Variants in SOHLH2 observed in about 807,000 individuals in gnomAD.
The protein encoded by SOHLH2 is spermatogenesis and oogenesis specific basic helix-loop-helix 2.
Under a neutral mutation model 50.4 loss-of-function variants are expected in SOHLH2, and 22 were observed. The ratio of observed to expected loss-of-function variants is 0.44; its 90% confidence interval spans 0.31 to 0.62. SOHLH2 has a LOEUF of 0.62. Ranked by LOEUF, SOHLH2 falls within the 20% of genes least tolerant of loss-of-function variation. The pLI is 0.08. For synonymous variants in SOHLH2, 185 were observed against 187.3 expected (o/e 0.99, Z 0.10); for missense variants, 412 against 504.4 (o/e 0.82, Z 1.76).
intron 6 of SOHLH2, among the ~76,000 whole-genome samples, chr13:36,188,248 C>A (rs1023100647): frequency 6.6e-6 from 1 of 152,158 alleles, no homozygotes; most frequent in African/African-American, 2.4e-5. Context: ...GAACTGCTAA[C>A]CCATAAAAAC....
intron 6 of SOHLH2, among the ~76,000 whole-genome samples, chr13:36,179,553 T>C (rs1245742643): frequency 6.6e-6 from 1 of 152,036 alleles, no homozygotes; most frequent in Non-Finnish European, 1.5e-5. Flanking sequence ...AGATTACAGG[T>C]GTGTGCCACC....
intron 6 of SOHLH2, among the ~76,000 whole-genome samples, chr13:36,187,380 G>C (rs1887450701): frequency 6.6e-6 from 1 of 152,136 alleles, no homozygotes; most frequent in Non-Finnish European, 1.5e-5. Flanking sequence ...ATCAAATAAA[G>C]TATGGAGAAT....
intron 6 of SOHLH2, among the ~76,000 whole-genome samples, chr13:36,176,103 G>A (rs1681189748): frequency 6.6e-6 from 1 of 152,136 alleles, no homozygotes; most frequent in Non-Finnish European, 1.5e-5. Context: ...GTGGAAGTGA[G>A]ATGTTATAAA....
At chr13:36,178,820 GTTTT>G (rs748848806) in intron 6 of SOHLH2, among the ~76,000 whole-genome samples, 1 of 127,268 alleles carries the variant, frequency 7.9e-6, no homozygotes, top group Non-Finnish European at 1.7e-5. Context: ...CAGATCATTT[GTTTT>G]TTTTTTTTTG....
intron 6 of SOHLH2, among the ~76,000 whole-genome samples, chr13:36,175,198 C>G (rs931856712): frequency 2.0e-5 from 3 of 152,236 alleles, no homozygotes; most frequent in Non-Finnish European, 2.9e-5. Context: ...CCCTTCCCAC[C>G]CCCTGCTGCC....
intron 6 of SOHLH2, among the ~76,000 whole-genome samples, chr13:36,175,610 T>C (rs1212866222): frequency 6.6e-6 from 1 of 152,238 alleles, no homozygotes; most frequent in Non-Finnish European, 1.5e-5. Flanking sequence ...TTGTGCTGAA[T>C]ACTACCTTGA....
chr13:36,182,212 G>A, intron 6 of SOHLH2: 1 of 985,288 alleles, frequency 1.0e-6, no homozygotes, highest in African/African-American at 1.7e-5. Flanking sequence ...AAATTCATGG[G>A]GAGAGAATTT....
rs371427056 is a variant in SOHLH2, at chr13:36,193,709, A to G, written c.342T>C (p.His114=). 9.9e-6 allele frequency: 16 copies of G among 1,610,976 alleles called. No individual in the cohort carries two copies. In the African/African-American group the frequency reaches 2.0e-4, roughly 20 times the overall value. ...PENFKGCISG[H]GMDIALTEPL... ...GTTCAGTTAAAGCAATATCCATTCCATGCCCTGAAATACAACCTAAGAATC... is the reference window on the plus strand; with the variant it reads ...GTTCAGTTAAAGCAATATCCATTCCGTGCCCTGAAATACAACCTAAGAATC... Residue 114 remains histidine (H), a synonymous_variant, in exon 4 of 11, where the codon CAT becomes CAC. Coordinates refer to ENST00000379881, the MANE Select transcript of SOHLH2 (RefSeq NM_017826.3).
At chr13:36,195,151 T>C (rs1462836272) in intron 2 of SOHLH2, among the ~76,000 whole-genome samples, 2 of 152,050 alleles carry the variant, frequency 1.3e-5, no homozygotes, top group African/African-American at 2.4e-5. Flanking sequence ...ATGTGTCCAA[T>C]GCCAGGAAGG....
intron 1 of SOHLH2, among the ~76,000 whole-genome samples, 161 bp downstream of exon 1, chr13:36,214,318 G>A (rs1035216470): frequency 5.9e-5 from 9 of 152,108 alleles, no homozygotes; most frequent in African/African-American, 2.2e-4. Flanking sequence ...GGGGGAGAGT[G>A]GACTCGCGTC....
chr13:36,173,826 A>G lies in SOHLH2; in HGVS notation c.882-16T>C, dbSNP rs1397175654. The G allele has an allele frequency of 7.4e-6, 12 of 1,613,748 alleles. No individual in the cohort carries two copies. The highest frequency in any genetic ancestry group is 1.0e-5 in the Non-Finnish European group (12 of 1,179,894). ...ACTGTTTTCCCTTGAAAGGACAGAA[A>G]AAATTATTTGCACATTTTTCAAGGA... is the stretch of plus-strand genomic sequence containing the variant. On this transcript the variant is annotated splice_polypyrimidine_tract_variant and intron_variant, in intron 8 of 10. Coordinates refer to ENST00000379881, the MANE Select transcript of SOHLH2 (RefSeq NM_017826.3).
At position 36,168,638 on chromosome 13, in the gene SOHLH2, T is replaced by C. The variant is rs1204053278; in HGVS notation, c.*396A>G. On this transcript the variant is annotated 3_prime_UTR_variant, in exon 11 of 11. Coordinates refer to ENST00000379881, the MANE Select transcript of SOHLH2 (RefSeq NM_017826.3). ...AATAAGAATCAAGTTGTAATATCTG[T>C]ACTCAGTGACACAAGGTATCAACAC... 2 of 214,942 alleles carry C rather than the reference T, an allele frequency of 9.3e-6. No homozygotes were observed. Among genetic ancestry groups the C allele is most frequent in the Non-Finnish European group, 1.8e-5 (2 of 109,826 alleles). 13.3% of individuals were successfully genotyped at this position (214,942 alleles called of 1,614,324 possible).
chr13:36,188,248 C>T (rs1023100647), intron 6 of SOHLH2, among the ~76,000 whole-genome samples: 1 of 152,158 alleles, frequency 6.6e-6, no homozygotes, highest in African/African-American at 2.4e-5. Flanking sequence ...GAACTGCTAA[C>T]CCATAAAAAC....
chr13:36,195,966 A>C (rs1026995473), intron 2 of SOHLH2, among the ~76,000 whole-genome samples: 1 of 152,066 alleles, frequency 6.6e-6, no homozygotes, highest in Admixed American at 6.5e-5. Context: ...TGGAGGTAAG[A>C]AAGGCACTTC....
At chr13:36,186,911 A>C (rs1887434855) in intron 6 of SOHLH2, among the ~76,000 whole-genome samples, 1 of 152,158 alleles carries the variant, frequency 6.6e-6, no homozygotes, top group African/African-American at 2.4e-5. Context: ...ACCATATGTA[A>C]AGCAGGTGAG....
At chr13:36,182,201 G>GA (rs1887276907) in intron 6 of SOHLH2, 1 of 985,254 alleles carries the variant, frequency 1.0e-6, no homozygotes, top group Non-Finnish European at 1.2e-6. Context: ...GTAATACAGG[G>GA]AAATTCATGG....
chr13:36,173,546 C>G, intron 9 of SOHLH2, 146 bp downstream of exon 9: 2 of 924,296 alleles, frequency 2.2e-6, no homozygotes, highest in Non-Finnish European at 1.6e-6. Context: ...CTGTAGCCAC[C>G]TTGTGTACCT....
At chr13:36,178,718 C>T (rs1435022098) in intron 6 of SOHLH2, among the ~76,000 whole-genome samples, 2 of 151,722 alleles carry the variant, frequency 1.3e-5, no homozygotes, top group Non-Finnish European at 2.9e-5. Flanking sequence ...GAGATCTTAA[C>T]AATAGTGAGT....
chr13:36,209,692 A>G (rs1374987934), intron 1 of SOHLH2, among the ~76,000 whole-genome samples: 1 of 152,242 alleles, frequency 6.6e-6, no homozygotes, highest in East Asian at 1.9e-4. Context: ...TAGAGGGCAC[A>G]AACATTCAGA....
Sources: allele counts gnomAD v4.1 joint callset (sites outside exome capture counted in the v4.1 genomes callset), GRCh38; gene constraint gnomAD v4.1.1; transcripts MANE v1.5; gene names NCBI Gene and HGNC (gene_info 2026-07-23, HGNC 2026-07-21).